RNF2: variants seen among roughly 807,000 people sequenced by gnomAD.
RNF2 encodes ring finger protein 2.
RNF2 carries 6 observed loss-of-function variants against 37.2 expected under a neutral mutation model. That is an observed-to-expected ratio of 0.16 (90% CI 0.09 to 0.32). RNF2 has a LOEUF of 0.32. RNF2 is among the 10% of genes least tolerant of loss of function. The pLI is 1.00. For missense variants in RNF2, 251 were observed against 404.0 expected (o/e 0.62, Z 3.25); for synonymous variants, 133 against 132.7 (o/e 1.00, Z -0.02).
chr1:185,095,019 G>T (rs1651872669), intron 4 of RNF2, among the ~76,000 whole-genome samples: 1 of 152,192 alleles, frequency 6.6e-6, no homozygotes, highest in Non-Finnish European at 1.5e-5. Context: ...GATAATTCTG[G>T]AGTGTAGTCA....
chr1:185,081,423 C>T (rs113094735), intron 1 of RNF2, among the ~76,000 whole-genome samples: 2,585 of 149,922 alleles, frequency 0.017, 91 homozygotes, highest in African/African-American at 0.059. Flanking sequence ...GGTGGAGTTT[C>T]GCTCTTGTTG....
At chr1:185,051,953 C>CAT (rs140002491) in intron 1 of RNF2, among the ~76,000 whole-genome samples, 15,534 of 145,596 alleles carry the variant, frequency 0.11, 1,102 homozygotes, top group East Asian at 0.2. Context: ...TACATTTTTA[C>CAT]ATATATATAT....
intron 1 of RNF2, among the ~76,000 whole-genome samples, chr1:185,049,287 C>T (rs1237735825): frequency 6.6e-6 from 1 of 152,114 alleles, no homozygotes; most frequent in African/African-American, 2.4e-5. Flanking sequence ...AATAGCAGAA[C>T]ATTTACTTTA....
chr1:185,064,511 G>T (rs1206300544), intron 1 of RNF2, among the ~76,000 whole-genome samples: 1 of 152,202 alleles, frequency 6.6e-6, no homozygotes, highest in Non-Finnish European at 1.5e-5. Flanking sequence ...GACTTGTGAT[G>T]GGGCTGCATC....
chr1:185,076,297 T>G lies in RNF2; in HGVS notation c.-2-11255T>G, dbSNP rs1274212200. Among the ~76,000 whole-genome samples, 88 of 86,824 alleles carry G rather than the reference T, an allele frequency of 1.0e-3. 1 individual carries two copies. The highest frequency in any genetic ancestry group is 4.3e-3 in the African/African-American group (83 of 19,218). The allele number at this position is 86,824 out of a possible 152,430, so 57.0% of individuals were successfully genotyped here. A position where few individuals can be genotyped will look rare whatever the true frequency, so the allele number is the denominator to read the frequency against. ...TTTTTTTTTTTTTTTTTTTTTTTTT[T>G]TTTTTTTTTTTGAGACAGAGTCTCA... is the stretch of plus-strand genomic sequence containing the variant. On this transcript the variant is annotated intron_variant, in intron 1 of 6. Transcript: ENST00000367510.
intron 1 of RNF2, 105 bp from the exon 2 acceptor site, chr1:185,087,447 T>G (rs927587366): frequency 4.5e-4 from 398 of 875,716 alleles, no homozygotes; most frequent in Non-Finnish European, 6.4e-4. Flanking sequence ...ATTACTTCAT[T>G]GAGATTAGAT....
At chr1:185,083,662 C>A (rs1050257822) in intron 1 of RNF2, among the ~76,000 whole-genome samples, 3 of 151,892 alleles carry the variant, frequency 2.0e-5, no homozygotes, top group Non-Finnish European at 1.5e-5. Context: ...TTTGGAGACT[C>A]GAGCTCAGTC....
chr1:185,080,421 T>C (rs1020133729), intron 1 of RNF2, among the ~76,000 whole-genome samples: 3 of 152,310 alleles, frequency 2.0e-5, no homozygotes, highest in African/African-American at 2.4e-5. Flanking sequence ...AATGAAGATG[T>C]ATATTGATCT....
At chr1:185,086,118 G>GATAA in intron 1 of RNF2, among the ~76,000 whole-genome samples, 1 of 151,750 alleles carries the variant, frequency 6.6e-6, no homozygotes, top group African/African-American at 2.4e-5. Flanking sequence ...TCTTTTTAAG[G>GATAA]TTTATTTCAT....
At chr1:185,069,778 A>G (rs1477204428) in intron 1 of RNF2, among the ~76,000 whole-genome samples, 42 of 152,344 alleles carry the variant, frequency 2.8e-4, no homozygotes, top group Admixed American at 2.6e-3. Context: ...TTAAGCCCGA[A>G]ATATCTCTGT....
intron 1 of RNF2, among the ~76,000 whole-genome samples, chr1:185,048,984 T>C (rs946547709): frequency 2.6e-5 from 4 of 151,838 alleles, no homozygotes; most frequent in Non-Finnish European, 5.9e-5. Flanking sequence ...TCTGGATCCA[T>C]TGGGAGGCCG....
At chr1:185,051,616 C>T (rs1370091941) in intron 1 of RNF2, among the ~76,000 whole-genome samples, 1 of 151,800 alleles carries the variant, frequency 6.6e-6, no homozygotes, top group Non-Finnish European at 1.5e-5. Flanking sequence ...TGTTGAGTTT[C>T]TATATTTAAA....
intron 1 of RNF2, among the ~76,000 whole-genome samples, chr1:185,049,432 A>G (rs1650211108): frequency 6.6e-6 from 1 of 152,150 alleles, no homozygotes; most frequent in African/African-American, 2.4e-5. Context: ...CACAAAAATT[A>G]TTTTTATGCT....
rs550999141 is a variant in RNF2 at position 185,090,594 on chromosome 1, C to T, written c.88-985C>T. Among the ~76,000 whole-genome samples the T allele has an allele frequency of 3.9e-5, 6 of 152,270 alleles. No homozygotes were observed. In the South Asian group the frequency reaches 1.2e-3, roughly 32 times the overall value. ...TATTTTTCTTTGTGGAGTAATCCATCTTTGACCATATAAAGAAAGCACAAG... is the reference window on the plus strand; with the variant it reads ...TATTTTTCTTTGTGGAGTAATCCATTTTTGACCATATAAAGAAAGCACAAG... On this transcript the variant is annotated intron_variant, in intron 2 of 6. Coordinates refer to ENST00000367510, the MANE Select transcript of RNF2 (RefSeq NM_007212.4).
chr1:185,068,066 C>T (rs1193884301), intron 1 of RNF2, among the ~76,000 whole-genome samples: 2 of 151,712 alleles, frequency 1.3e-5, no homozygotes, highest in African/African-American at 2.4e-5. Context: ...TGCAATGGTA[C>T]GATCTCGGCT....
intron 1 of RNF2, among the ~76,000 whole-genome samples, chr1:185,049,312 T>G (rs1384896739): frequency 1.3e-5 from 2 of 152,170 alleles, no homozygotes; most frequent in Non-Finnish European, 2.9e-5. Context: ...TTCACATTAT[T>G]TCTAGGATAT....
intron 1 of RNF2, among the ~76,000 whole-genome samples, chr1:185,071,392 ATTG>A (rs144800885): frequency 0.012 from 1,859 of 152,236 alleles, 37 homozygotes; most frequent in African/African-American, 0.042. Context: ...GTGACCCTCT[ATTG>A]TTGTGGGAAT....
At chr1:185,064,801 C>G (rs923342692) in intron 1 of RNF2, among the ~76,000 whole-genome samples, 1 of 152,026 alleles carries the variant, frequency 6.6e-6, no homozygotes, top group Non-Finnish European at 1.5e-5. Flanking sequence ...GCCTCCTTGG[C>G]TTAAGTTTAT....
chr1:185,061,368 G>C (rs1650598379), intron 1 of RNF2, among the ~76,000 whole-genome samples: 1 of 150,802 alleles, frequency 6.6e-6, no homozygotes, highest in South Asian at 2.1e-4. Context: ...TCTCTTAAAA[G>C]GGGAAAAAAA....
Sources: allele counts gnomAD v4.1 joint callset (sites outside exome capture counted in the v4.1 genomes callset), GRCh38; gene constraint gnomAD v4.1.1; transcripts MANE v1.5; gene names NCBI Gene and HGNC (gene_info 2026-07-23, HGNC 2026-07-21).